The following PLPP3 variants were observed in gnomAD, a reference collection of about 807,000 sequenced individuals.
The protein encoded by PLPP3 is PAP2 beta.
PLPP3 carries 6 observed loss-of-function variants against 29.6 expected under a neutral mutation model. The observed-to-expected ratio is 0.20, with a 90% CI of 0.11 to 0.40. The LOEUF (loss-of-function observed/expected upper bound fraction) is 0.40. PLPP3 is among the 10% of genes least tolerant of loss of function. The pLI, the probability that PLPP3 is intolerant of heterozygous loss-of-function variation, is 1.00. For missense variants in PLPP3, 308 were observed against 407.7 expected (o/e 0.76, Z 2.11); for synonymous variants, 152 against 159.7 (o/e 0.95, Z 0.36).
intron 4 of PLPP3, among the ~76,000 whole-genome samples, chr1:56,513,978 T>C (rs953916694): frequency 6.6e-6 from 1 of 151,680 alleles, no homozygotes; most frequent in African/African-American, 2.4e-5. Context: ...CCGAAAAAGA[T>C]GTGGGGAAAA....
intron 4 of PLPP3, among the ~76,000 whole-genome samples, chr1:56,522,916 G>C (rs926467824): frequency 3.9e-5 from 6 of 152,234 alleles, no homozygotes; most frequent in African/African-American, 1.4e-4. Context: ...ACATGTAACT[G>C]ACAAAGAAAA....
chr1:56,509,832 C>T (rs1156660331), intron 5 of PLPP3, among the ~76,000 whole-genome samples: 1 of 86,162 alleles, frequency 1.2e-5, no homozygotes. Context: ...GCGAGACTCT[C>T]AAAAAAAAAA....
At chr1:56,515,093 C>T (rs1425978466) in intron 4 of PLPP3, among the ~76,000 whole-genome samples, 2 of 152,088 alleles carry the variant, frequency 1.3e-5, no homozygotes, top group African/African-American at 2.4e-5. Context: ...ACAGACAGAG[C>T]ACAGATTTTA....
At chr1:56,514,035 A>AAAAT (rs1057393857) in intron 4 of PLPP3, among the ~76,000 whole-genome samples, 6 of 152,128 alleles carry the variant, frequency 3.9e-5, no homozygotes, top group East Asian at 1.9e-4. Flanking sequence ...GGTACTAGGC[A>AAAAT]AAATAAATAA....
At chr1:56,545,759 A>G (rs1401169778) in intron 1 of PLPP3, among the ~76,000 whole-genome samples, 1 of 152,220 alleles carries the variant, frequency 6.6e-6, no homozygotes, top group Non-Finnish European at 1.5e-5. Flanking sequence ...CATGCTACCC[A>G]GGTGTACACA....
At chr1:56,511,007 T>C (rs1360175224) in intron 5 of PLPP3, among the ~76,000 whole-genome samples, 1 of 152,168 alleles carries the variant, frequency 6.6e-6, no homozygotes, top group Non-Finnish European at 1.5e-5. Context: ...CTCTCTATTG[T>C]TCATAATTCT....
chr1:56,539,129 T>C (rs979447424), intron 1 of PLPP3, among the ~76,000 whole-genome samples: 1 of 152,140 alleles, frequency 6.6e-6, no homozygotes, highest in Admixed American at 6.5e-5. Context: ...CAGGGTCTCT[T>C]AGTCCACCTC....
chr1:56,519,799 A>G (rs972081848), intron 4 of PLPP3, among the ~76,000 whole-genome samples: 5 of 150,802 alleles, frequency 3.3e-5, no homozygotes, highest in African/African-American at 1.2e-4. Context: ...CCTTAACCTC[A>G]CCCTTAAGCT....
At chr1:56,530,905 T>C (rs1322781482) in intron 2 of PLPP3, among the ~76,000 whole-genome samples, 14 of 152,290 alleles carry the variant, frequency 9.2e-5, no homozygotes, top group Non-Finnish European at 1.8e-4. Flanking sequence ...CTGAAGCCAC[T>C]CCTTCTGCCT....
intron 1 of PLPP3, among the ~76,000 whole-genome samples, chr1:56,555,724 A>G (rs1346524454): frequency 1.3e-5 from 2 of 152,112 alleles, no homozygotes; most frequent in Non-Finnish European, 2.9e-5. Flanking sequence ...GCCAAGGCTG[A>G]TCTTGAACTC....
intron 1 of PLPP3, among the ~76,000 whole-genome samples, chr1:56,574,902 A>C (rs1029333610): frequency 2.0e-5 from 3 of 152,208 alleles, no homozygotes; most frequent in Non-Finnish European, 4.4e-5. Flanking sequence ...GGACACTGAA[A>C]GATGGTCTAG....
At chr1:56,532,583 G>A (rs901790688) in intron 2 of PLPP3, among the ~76,000 whole-genome samples, 2 of 152,178 alleles carry the variant, frequency 1.3e-5, no homozygotes, top group African/African-American at 2.4e-5. Flanking sequence ...TCTCCAGCAA[G>A]AAATTTGCAT....
intron 1 of PLPP3, chr1:56,538,404 C>A (rs1302153528): frequency 5.6e-6 from 2 of 358,170 alleles, no homozygotes; most frequent in African/African-American, 2.1e-5. Flanking sequence ...CCACCAAAAA[C>A]ACAGTGGCCT....
intron 1 of PLPP3, among the ~76,000 whole-genome samples, chr1:56,563,391 C>G (rs1031555064): frequency 5.9e-5 from 9 of 152,174 alleles, no homozygotes; most frequent in African/African-American, 2.2e-4. Flanking sequence ...TTTCATTTCC[C>G]TGGCTTTTTA....
At chr1:56,544,468 C>T (rs563646739) in intron 1 of PLPP3, among the ~76,000 whole-genome samples, 1 of 152,330 alleles carries the variant, frequency 6.6e-6, no homozygotes, top group South Asian at 2.1e-4. Flanking sequence ...CCTTTTGAAT[C>T]CTCTTTAAAT....
At chr1:56,516,617 C>A (rs986391093) in intron 4 of PLPP3, among the ~76,000 whole-genome samples, 1 of 152,050 alleles carries the variant, frequency 6.6e-6, no homozygotes, top group Non-Finnish European at 1.5e-5. Context: ...GGCCTCTGGG[C>A]TAGAGAATCA....
chr1:56,578,809 G>C, intron 1 of PLPP3, 69 bp downstream of exon 1: 1 of 1,407,672 alleles, frequency 7.1e-7, no homozygotes, highest in Non-Finnish European at 9.2e-7. Context: ...GCGCGGCCCC[G>C]GACTGGGCTG....
Position 56,565,417 on chromosome 1 carries a change from C to T in PLPP3, c.139+13461G>A, listed in dbSNP as rs905365570. On this transcript the variant is annotated intron_variant, in intron 1 of 5. Transcript: ENST00000371250. ...ATGTGAATGATAAAAGGCCTAAAGT[C>T]CCTTCTTTTTTTTTTTTAAATGATA... Among the ~76,000 whole-genome samples, 4 of 151,866 alleles carry T rather than the reference C, an allele frequency of 2.6e-5. No homozygotes were observed. In the East Asian group the frequency reaches 7.7e-4, roughly 29 times the overall value.
At chr1:56,511,396 G>C (rs971194045) in intron 5 of PLPP3, among the ~76,000 whole-genome samples, 14 of 152,162 alleles carry the variant, frequency 9.2e-5, no homozygotes, top group Non-Finnish European at 1.5e-4. Context: ...CTCAGGCTGA[G>C]AGAGGGCTCA....
Sources: allele counts gnomAD v4.1 joint callset (sites outside exome capture counted in the v4.1 genomes callset), GRCh38; gene constraint gnomAD v4.1.1; transcripts MANE v1.5; gene names NCBI Gene and HGNC (gene_info 2026-07-23, HGNC 2026-07-21).